The following CHRM3 variants were observed in gnomAD, a reference collection of about 807,000 sequenced individuals.
The protein encoded by CHRM3 is muscarinic acetylcholine receptor M3.
In CHRM3, 11 loss-of-function variants were observed where a neutral mutation model predicts 41.8. That is an observed-to-expected ratio of 0.26 (90% CI 0.17 to 0.44). The LOEUF (loss-of-function observed/expected upper bound fraction) is 0.44. CHRM3 is among the 20% of genes least tolerant of loss of function. The pLI is 1.00. For synonymous variants in CHRM3, 297 were observed against 301.4 expected, an observed-to-expected ratio of 0.99 and a Z score of 0.15; for missense variants, 571 against 745.4, an observed-to-expected ratio of 0.77 and a Z score of 2.72.
At chr1:239,396,813 T>A (rs1464608844) in intron 1 of CHRM3, among the ~76,000 whole-genome samples, 1 of 152,218 alleles carries the variant, frequency 6.6e-6, no homozygotes, top group Non-Finnish European at 1.5e-5. Context: ...TTCTAACATT[T>A]ACTCTATACA....
At chr1:239,592,702 T>C (rs553137069) in intron 3 of CHRM3, among the ~76,000 whole-genome samples, 1 of 152,324 alleles carries the variant, frequency 6.6e-6, no homozygotes, top group South Asian at 2.1e-4. Context: ...TACCACATAA[T>C]ATACCACATT....
intron 1 of CHRM3, among the ~76,000 whole-genome samples, chr1:239,402,976 G>A (rs1660106828): frequency 6.6e-6 from 1 of 152,020 alleles, no homozygotes; most frequent in Non-Finnish European, 1.5e-5. Flanking sequence ...TATTTTTGAT[G>A]CGAGATTAGT....
At chr1:239,446,414 G>A (rs1938230) in intron 1 of CHRM3, among the ~76,000 whole-genome samples, 86,022 of 152,052 alleles carry the variant, frequency 0.57, 24,694 homozygotes, top group African/African-American at 0.63. Flanking sequence ...AGATAATGCT[G>A]TCATTTAATC....
intron 6 of CHRM3, among the ~76,000 whole-genome samples, chr1:239,834,148 TCACA>T (rs34990180): frequency 0.029 from 3,899 of 135,266 alleles, 158 homozygotes; most frequent in African/African-American, 0.093. Context: ...TAATTCCACA[TCACA>T]CACACACACA....
Position 239,908,474 on chromosome 1 carries a change from T to C in CHRM3, c.1023T>C (p.Asp341=), listed in dbSNP as rs1297522095. The C allele has an allele frequency of 1.2e-6, 2 of 1,611,482 alleles. No individual in the cohort carries two copies. The highest frequency in any genetic ancestry group is 3.3e-5 in the Admixed American group (2 of 59,722). ...GCAGTGACAGTTGGAACAACAATGA[T>C]GCTGCTGCCTCCCTGGAGAACTCCG... ...HSSSDSWNNN[D]AAASLENSAS... The change falls in exon 7 of 7, where the codon GAT becomes GAC. Residue 341 remains aspartate (D), a synonymous_variant. Coordinates refer to ENST00000676153, the MANE Select transcript of CHRM3 (RefSeq NM_001375978.1). The surrounding 1 kb of genome is among the most constrained non-coding windows in gnomAD (Gnocchi z 7.2).
At chr1:239,792,459 A>G (rs1669428333) in intron 5 of CHRM3, among the ~76,000 whole-genome samples, 1 of 152,148 alleles carries the variant, frequency 6.6e-6, no homozygotes, top group Admixed American at 6.5e-5. Flanking sequence ...GTTGACAGAG[A>G]AAAAAAGTCA....
chr1:239,646,781 T>A, intron 4 of CHRM3, among the ~76,000 whole-genome samples: 1 of 152,134 alleles, frequency 6.6e-6, no homozygotes, highest in East Asian at 1.9e-4. Flanking sequence ...TAAGGAACTT[T>A]GATTTTACCC....
chr1:239,683,120 A>G (rs1658732688), intron 5 of CHRM3, among the ~76,000 whole-genome samples: 1 of 152,084 alleles, frequency 6.6e-6, no homozygotes. Flanking sequence ...ACGTTGACCA[A>G]CGTATTGACT....
intron 3 of CHRM3, among the ~76,000 whole-genome samples, chr1:239,630,382 C>G (rs1376889384): frequency 6.6e-6 from 1 of 152,152 alleles, no homozygotes; most frequent in Non-Finnish European, 1.5e-5. Context: ...TAAATATTTA[C>G]TGAGCAACTA....
chr1:239,866,319 G>C (rs1228892094), intron 6 of CHRM3, among the ~76,000 whole-genome samples: 1 of 152,030 alleles, frequency 6.6e-6, no homozygotes, highest in East Asian at 1.9e-4. Flanking sequence ...GGAGCTTGCA[G>C]TGAGCTGAGA....
chr1:239,642,284 C>T (rs866514035), intron 4 of CHRM3, among the ~76,000 whole-genome samples: 4 of 151,380 alleles, frequency 2.6e-5, no homozygotes, highest in Admixed American at 2.6e-4. Context: ...GTGGCATTCT[C>T]TGTATTTCCT....
intron 5 of CHRM3, among the ~76,000 whole-genome samples, chr1:239,726,328 A>G (rs1663434003): frequency 6.6e-6 from 1 of 151,936 alleles, no homozygotes; most frequent in Non-Finnish European, 1.5e-5. Context: ...CTTTTGAATC[A>G]AATAATAGTA....
chr1:239,820,258 C>A (rs1051224680), intron 5 of CHRM3, among the ~76,000 whole-genome samples: 15 of 152,162 alleles, frequency 9.9e-5, no homozygotes, highest in Non-Finnish European at 1.8e-4. Flanking sequence ...ATACATACTA[C>A]TTCTTAGGGA....
intron 2 of CHRM3, among the ~76,000 whole-genome samples, chr1:239,498,878 C>G (rs777492070): frequency 6.6e-6 from 1 of 152,148 alleles, no homozygotes; most frequent in Non-Finnish European, 1.5e-5. Context: ...TTTGTTTGAT[C>G]TTCACCTCCT....
At chr1:239,393,316 G>T (rs1314689631) in intron 1 of CHRM3, among the ~76,000 whole-genome samples, 8 of 151,976 alleles carry the variant, frequency 5.3e-5, no homozygotes, top group African/African-American at 1.7e-4. Context: ...AGTCTTTTTT[G>T]TGATTTTTCA....
chr1:239,680,307 A>G (rs1658436150), intron 5 of CHRM3, among the ~76,000 whole-genome samples: 1 of 152,202 alleles, frequency 6.6e-6, no homozygotes, highest in Non-Finnish European at 1.5e-5. Flanking sequence ...GGTTGAATGA[A>G]GAATCTGACT....
chr1:239,432,591 T>A (rs1662915181), intron 1 of CHRM3, among the ~76,000 whole-genome samples: 1 of 152,222 alleles, frequency 6.6e-6, no homozygotes, highest in Non-Finnish European at 1.5e-5. Context: ...TGTGCTAGGA[T>A]ATTTACTTTG....
At chr1:239,502,747 G>T (rs1668319246) in intron 2 of CHRM3, among the ~76,000 whole-genome samples, 1 of 151,938 alleles carries the variant, frequency 6.6e-6, no homozygotes, top group Non-Finnish European at 1.5e-5. Context: ...TGATCAAGTG[G>T]GTTTAACATA....
At chr1:239,720,833 G>A (rs576786045) in intron 5 of CHRM3, among the ~76,000 whole-genome samples, 1 of 152,012 alleles carries the variant, frequency 6.6e-6, no homozygotes, top group South Asian at 2.1e-4. Flanking sequence ...ATAAGAGCAA[G>A]TGATAGCCCC....
Sources: allele counts gnomAD v4.1 joint callset (sites outside exome capture counted in the v4.1 genomes callset), GRCh38; gene constraint gnomAD v4.1.1; non-coding constraint Gnocchi (gnomAD v3.1); transcripts MANE v1.5; gene names NCBI Gene and HGNC (gene_info 2026-07-23, HGNC 2026-07-21).